Variants in RBFOX1 observed in about 807,000 individuals in gnomAD.
RBFOX1 encodes the protein RNA binding fox-1 homolog 1, also known as RNA binding protein fox-1 homolog 1.
RBFOX1 carries 8 observed loss-of-function variants against 57.7 expected under a neutral mutation model. The ratio of observed to expected loss-of-function variants is 0.14; its 90% CI spans 0.08 to 0.25. RBFOX1 has a LOEUF of 0.25. RBFOX1 is among the 10% of genes least tolerant of loss of function. RBFOX1 has a pLI of 1.00. For synonymous variants in RBFOX1, 326 were observed against 222.4 expected, an observed-to-expected ratio of 1.47 and a Z score of -4.15; for missense variants, 611 against 548.5, an observed-to-expected ratio of 1.11 and a Z score of -1.14.
rs201351265 is a variant in RBFOX1, at chr16:5,557,259, CAATAAATAAATAAATAAATA to C, written c.259-41616_259-41597del. Among the ~76,000 whole-genome samples, 135 of 143,568 alleles carry C rather than the reference CAATAAATAAATAAATAAATA, an allele frequency of 9.4e-4. 1 individual carries two copies. The highest frequency in any genetic ancestry group is 8.6e-3 in the Admixed American group (121 of 14,088). The allele number at this position is 143,568 out of a possible 152,430, so 94.2% of individuals were successfully genotyped here. ...GGGGTGACAGAGTGAGACTCCATCT[CAATAAATAAATAAATAAATA>C]AATAAATAAATAAATAAATAAATAA... On this transcript the variant is annotated intron_variant, in intron 2 of 2. Coordinates refer to the RBFOX1 transcript ENST00000585867.
intron 4 of RBFOX1, among the ~76,000 whole-genome samples, chr16:7,216,021 C>T (rs2091979651): frequency 6.6e-6 from 1 of 152,102 alleles, no homozygotes; most frequent in Non-Finnish European, 1.5e-5. Flanking sequence ...CCGCGCCCAG[C>T]CTGGATGTTT....
At chr16:5,565,928 G>A (rs1285091652) in intron 2 of RBFOX1, among the ~76,000 whole-genome samples, 2 of 152,050 alleles carry the variant, frequency 1.3e-5, no homozygotes, top group Non-Finnish European at 2.9e-5. Context: ...CCCGGTGGGA[G>A]ATAATTGAAG....
chr16:6,365,033 G>A (rs1402826992), intron 2 of RBFOX1, among the ~76,000 whole-genome samples: 1 of 152,212 alleles, frequency 6.6e-6, no homozygotes, highest in Non-Finnish European at 1.5e-5. Flanking sequence ...CATCTCACAG[G>A]GAGAGGTCTT....
chr16:7,624,435 G>A (rs1410905183), intron 10 of RBFOX1, among the ~76,000 whole-genome samples: 1 of 152,134 alleles, frequency 6.6e-6, no homozygotes, highest in African/African-American at 2.4e-5. Context: ...TCATTCTTTT[G>A]TTCCTTTTCA....
intron 3 of RBFOX1, among the ~76,000 whole-genome samples, chr16:6,937,051 C>A (rs967072542): frequency 6.6e-6 from 1 of 151,674 alleles, no homozygotes; most frequent in Non-Finnish European, 1.5e-5. Flanking sequence ...ATGTAACTAA[C>A]CTGCACAATG....
chr16:6,097,850 G>C lies in RBFOX1; in HGVS notation c.-127+77858G>C, dbSNP rs2096263554. ...CTGGTGGAGTGGAAGTCCCTTGGAAGTGGGGGACGTGTCTGATTTGTGCAT... is the reference window on the plus strand; with the variant it reads ...CTGGTGGAGTGGAAGTCCCTTGGAACTGGGGGACGTGTCTGATTTGTGCAT... On this transcript the variant is annotated intron_variant, in intron 1 of 15. Transcript: ENST00000550418. This position sits in a 1 kb window ranked among gnomAD's most constrained non-coding sequence, Gnocchi z 5.0. 1.3e-5 allele frequency among the ~76,000 whole-genome samples: 2 copies of C among 152,010 alleles called. No homozygotes were observed. The highest frequency in any genetic ancestry group is 4.2e-4 in the South Asian group (2 of 4,808).
Position 6,020,099 on chromosome 16 carries a change from C to T in RBFOX1, c.-127+107C>T, listed in dbSNP as rs111319987. 1.9e-3 allele frequency: 2,391 copies of T among 1,247,362 alleles called. 5 individuals carry two copies. The highest frequency in any genetic ancestry group is 2.3e-3 in the Non-Finnish European group (2,211 of 964,954). 77.3% of individuals were successfully genotyped at this position (1,247,362 alleles called of 1,614,324 possible). On this transcript the variant is annotated intron_variant, in intron 1 of 15. Coordinates refer to ENST00000550418, the MANE Select transcript of RBFOX1 (RefSeq NM_018723.4). The stretch of plus-strand genomic sequence containing the variant: ...TAGGTCCCCGAGAACTGGCCTCCTC[C>T]TAGCGCCAGTCTGGGCGCTCTGGAC...
intron 1 of RBFOX1, among the ~76,000 whole-genome samples, chr16:6,253,717 A>G (rs1426252877): frequency 2.0e-5 from 3 of 151,498 alleles, no homozygotes; most frequent in African/African-American, 7.3e-5. Flanking sequence ...ATATATATGT[A>G]CCTATACAGA....
chr16:7,580,895 T>C (rs926550838), intron 6 of RBFOX1, among the ~76,000 whole-genome samples: 23 of 152,290 alleles, frequency 1.5e-4, no homozygotes, highest in African/African-American at 5.3e-4. Flanking sequence ...CTTAGAGCAA[T>C]GGTGGGCTTC....
intron 4 of RBFOX1, among the ~76,000 whole-genome samples, chr16:7,225,757 G>A (rs953875298): frequency 4.0e-5 from 4 of 99,518 alleles, no homozygotes; most frequent in African/African-American, 1.7e-4. Flanking sequence ...GACATTTGGG[G>A]GTGGGGGGAG....
At chr16:7,088,201 G>GA (rs952546461) in intron 4 of RBFOX1, among the ~76,000 whole-genome samples, 5 of 152,136 alleles carry the variant, frequency 3.3e-5, no homozygotes, top group South Asian at 2.1e-4. Context: ...GGTGAATTCA[G>GA]AAAAAAGGTC....
intron 4 of RBFOX1, among the ~76,000 whole-genome samples, chr16:7,506,184 C>CAAAAAAAA (rs552568132): frequency 8.0e-5 from 4 of 49,946 alleles, no homozygotes; most frequent in African/African-American, 2.9e-4. Context: ...GACTCTGTCT[C>CAAAAAAAA]AAAAAAAAAA....
At chr16:7,288,461 G>C (rs1288034680) in intron 4 of RBFOX1, among the ~76,000 whole-genome samples, 1 of 152,172 alleles carries the variant, frequency 6.6e-6, no homozygotes, top group Non-Finnish European at 1.5e-5. Flanking sequence ...TTGCTTATCA[G>C]ATTTCTGGGA....
intron 4 of RBFOX1, among the ~76,000 whole-genome samples, chr16:6,003,551 A>C (rs2060639251): frequency 7.3e-6 from 1 of 137,054 alleles, no homozygotes; most frequent in South Asian, 2.3e-4. Context: ...TCATTGCTCC[A>C]CCCCTGCGGT....
intron 1 of RBFOX1, among the ~76,000 whole-genome samples, chr16:5,440,433 T>A (rs991151198): frequency 3.9e-5 from 6 of 152,214 alleles, no homozygotes; most frequent in African/African-American, 1.4e-4. Context: ...TGAAAAAAAA[T>A]TTCCACGGTG....
intron 3 of RBFOX1, among the ~76,000 whole-genome samples, chr16:6,935,526 T>C (rs1410151463): frequency 1.3e-5 from 2 of 152,226 alleles, no homozygotes; most frequent in Non-Finnish European, 2.9e-5. Context: ...TGGCAATAGA[T>C]AACTCACACT....
chr16:5,972,728 C>T (rs868662884), intron 4 of RBFOX1, among the ~76,000 whole-genome samples: 1 of 152,178 alleles, frequency 6.6e-6, no homozygotes, highest in African/African-American at 2.4e-5. Flanking sequence ...CTCTGGCAGT[C>T]TCCCCTGGGA....
intron 2 of RBFOX1, among the ~76,000 whole-genome samples, chr16:6,619,121 C>T (rs555733057): frequency 1.3e-5 from 2 of 152,004 alleles, no homozygotes; most frequent in South Asian, 2.1e-4. Context: ...ACTTAACACA[C>T]ACATGGTACT....
intron 3 of RBFOX1, among the ~76,000 whole-genome samples, chr16:6,896,953 G>A (rs1485382586): frequency 6.6e-5 from 10 of 152,164 alleles, no homozygotes; most frequent in Non-Finnish European, 4.4e-5. Flanking sequence ...CCACAACTCA[G>A]AATGCAGCTG....
Sources: gnomAD v4.1 joint callset for allele counts (sites outside exome capture counted in the v4.1 genomes callset) on GRCh38, gnomAD v4.1.1 for gene constraint, Gnocchi (gnomAD v3.1) non-coding constraint, MANE v1.5 for transcripts, NCBI Gene and HGNC (gene_info 2026-07-23, HGNC 2026-07-21) for gene names.